The following HLCS variants were observed in gnomAD, a reference collection of about 807,000 sequenced individuals.
The protein encoded by HLCS is biotin--protein ligase.
In HLCS, 53 loss-of-function variants were observed where a neutral mutation model predicts 75.0. That is an observed-to-expected ratio of 0.71 (90% CI 0.57 to 0.89). The LOEUF (loss-of-function observed/expected upper bound fraction) is 0.89. Ranked by LOEUF, HLCS falls within the 40% of genes least tolerant of loss-of-function variation. The pLI is 0.00. For missense variants in HLCS, 966 were observed against 1,074.0 expected (o/e 0.90, Z 1.41); for synonymous variants, 431 against 428.6 (o/e 1.01, Z -0.07).
At chr21:36,770,658 C>T (rs1343055870) in intron 6 of HLCS, among the ~76,000 whole-genome samples, 1 of 151,180 alleles carries the variant, frequency 6.6e-6, no homozygotes, top group African/African-American at 2.4e-5. Flanking sequence ...ATAGCCTGGA[C>T]CTCCAGGGCT....
At position 36,961,986 on chromosome 21, in the gene HLCS, G is replaced by A. The variant is rs958116976; in HGVS notation, c.330+50C>T. On this transcript the variant is annotated intron_variant, in intron 2 of 10. Transcript: ENST00000674895. ...AAAAAAAAAAAGCAAATTTGGTTTT[G>A]ACTAAGACACATCAGTTCCTTATGG... 8 of 998,592 alleles carry A rather than the reference G, an allele frequency of 8.0e-6. No homozygotes were observed. In the African/African-American group the frequency reaches 1.4e-4, roughly 18 times the overall value. The allele number at this position is 998,592 out of a possible 1,614,324, so 61.9% of individuals were successfully genotyped here. A position where few individuals can be genotyped will look rare whatever the true frequency, so the allele number is the denominator to read the frequency against.
At chr21:36,847,528 T>C (rs1031117799) in intron 6 of HLCS, among the ~76,000 whole-genome samples, 1 of 152,150 alleles carries the variant, frequency 6.6e-6, no homozygotes, top group Non-Finnish European at 1.5e-5. Flanking sequence ...AAGTAATGGA[T>C]ATCTAAGGTA....
intron 4 of HLCS, among the ~76,000 whole-genome samples, chr21:36,932,840 G>T (rs1244422710): frequency 4.6e-5 from 7 of 152,234 alleles, no homozygotes; most frequent in Non-Finnish European, 1.0e-4. Context: ...AGGCTTAGCT[G>T]GGTGTGGTGG....
rs2089352526 is a variant in HLCS, at chr21:36,751,182, G to GA, written c.*3063dup. 1 of 152,576 alleles carries GA rather than the reference G, an allele frequency of 6.6e-6. No individual in the cohort carries two copies. Among genetic ancestry groups the GA allele is most frequent in the African/African-American group, 2.4e-5 (1 of 41,416 alleles). The allele number at this position is 152,576 out of a possible 1,614,324, so 9.5% of individuals were successfully genotyped here. ...AAATGAAACTTGTAAAAATAAGAGG[G>GA]AGCCCAAACCACATAGAAAGTCTTA... On this transcript the variant is annotated 3_prime_UTR_variant, in exon 11 of 11. Transcript: ENST00000674895.
chr21:36,866,317 G>A (rs2063554873), intron 6 of HLCS, among the ~76,000 whole-genome samples: 1 of 152,080 alleles, frequency 6.6e-6, no homozygotes, highest in Admixed American at 6.5e-5. Flanking sequence ...ATAAACTGAA[G>A]ATACACACTA....
intron 6 of HLCS, among the ~76,000 whole-genome samples, chr21:36,799,350 C>T (rs2061126878): frequency 6.6e-6 from 1 of 152,242 alleles, no homozygotes; most frequent in South Asian, 2.1e-4. Flanking sequence ...CTTCTGGACA[C>T]TTACCCTGTT....
At position 36,936,669 on chromosome 21, in the gene HLCS, C is replaced by T. The variant is rs1423217032; in HGVS notation, c.1217G>A (p.Ser406Asn). The change falls in exon 4 of 11, where the codon AGC becomes AAC. Residue 406 changes from serine (S) to asparagine (N), a missense_variant. By Grantham distance (46) the Ser-to-Asn change is conservative. Coordinates refer to ENST00000674895, the MANE Select transcript of HLCS (RefSeq NM_001352514.2). ...GACTGTCTTGTGCAGTGCACCCTTG[C>T]TTGTCACCTGAAAGCCACCAAAGGT... ...SFTFGGFQVT[S>N]KGALHKTVQN... is the part of the protein sequence containing the mutation. The T allele has an allele frequency of 1.9e-6, 3 of 1,614,236 alleles. No individual in the cohort carries two copies. The highest frequency in any genetic ancestry group is 2.5e-6 in the Non-Finnish European group (3 of 1,180,050).
intron 6 of HLCS, among the ~76,000 whole-genome samples, chr21:36,879,859 G>T (rs141651689): frequency 6.6e-6 from 1 of 151,048 alleles, no homozygotes; most frequent in East Asian, 1.9e-4. Context: ...GCAGTGAGCC[G>T]AGATTGCACC....
chr21:36,842,758 A>C lies in HLCS; in HGVS notation c.1892+54102T>G, dbSNP rs1193517360. Reference sequence around the variant, plus strand: ...ACTCAGTCTCAAAAAAACAAACAACAACCAAAAAAACTATCTTTATTATTG... The same window carrying C: ...ACTCAGTCTCAAAAAAACAAACAACCACCAAAAAAACTATCTTTATTATTG... On this transcript the variant is annotated intron_variant, in intron 6 of 10. Transcript: ENST00000674895. The surrounding 1 kb of genome is among the most constrained non-coding windows in gnomAD (Gnocchi z 4.2). Among the ~76,000 whole-genome samples the C allele has an allele frequency of 2.6e-5, 4 of 152,102 alleles. No homozygotes were observed. The highest frequency in any genetic ancestry group is 5.9e-5 in the Non-Finnish European group (4 of 68,002).
At chr21:36,898,332 G>C (rs1435058865) in intron 5 of HLCS, among the ~76,000 whole-genome samples, 1 of 150,228 alleles carries the variant, frequency 6.7e-6, no homozygotes, top group Admixed American at 6.7e-5. Context: ...TGTAATCCCA[G>C]CTACTCAGGA....
rs1601895374 is a variant in HLCS, at chr21:36,962,130, G to A, written c.236C>T (p.Ser79Phe). ...GTGTTCTGCTTCAAGTATAAAAGGA[G>A]ACACAAGAAATAGGGCCCACTTGTT... ...DLNKWALFLVSPFILEAEHIA... is the reference protein window; with the variant it reads ...DLNKWALFLVFPFILEAEHIA... Residue 79 changes from serine (S) to phenylalanine (F), a missense_variant, in exon 2 of 11, where the codon TCT becomes TTT. Transcript: ENST00000674895. 3.1e-6 allele frequency: 4 copies of A among 1,288,564 alleles called. No individual in the cohort carries two copies. Among genetic ancestry groups the A allele is most frequent in the Non-Finnish European group, 4.0e-6 (4 of 987,854 alleles). 79.8% of individuals were successfully genotyped at this position (1,288,564 alleles called of 1,614,324 possible).
intron 6 of HLCS, among the ~76,000 whole-genome samples, chr21:36,888,438 AAAAAAAAATATATATATATATATATATAT>A (rs1213669943): frequency 1.3e-4 from 4 of 30,384 alleles, no homozygotes; most frequent in African/African-American, 3.4e-4. Flanking sequence ...CATTTAAAAA[AAAAAAAAATATATATATATATATATATAT>A]ATATATATAT....
intron 1 of HLCS, among the ~76,000 whole-genome samples, chr21:36,965,356 G>A (rs1223800297): frequency 1.3e-5 from 2 of 152,206 alleles, no homozygotes; most frequent in African/African-American, 4.8e-5. Flanking sequence ...CAATGCTACC[G>A]ATGTCCATGA....
intron 6 of HLCS, among the ~76,000 whole-genome samples, chr21:36,772,638 CAAA>C (rs34788426): frequency 7.4e-5 from 6 of 80,868 alleles, no homozygotes; most frequent in Admixed American, 2.8e-4. Context: ...GACACTGTCT[CAAA>C]AAAAAAAAAA....
intron 6 of HLCS, among the ~76,000 whole-genome samples, chr21:36,857,621 G>A (rs1443503131): frequency 1.3e-5 from 2 of 151,874 alleles, no homozygotes; most frequent in African/African-American, 2.4e-5. Context: ...CAGGGCCCTC[G>A]CTGGGGCTCC....
At chr21:36,810,022 C>T (rs1391413264) in intron 6 of HLCS, among the ~76,000 whole-genome samples, 2 of 152,364 alleles carry the variant, frequency 1.3e-5, no homozygotes, top group African/African-American at 2.4e-5. Flanking sequence ...GGATTACAGG[C>T]GTGAGCCGTG....
At chr21:36,798,166 G>A (rs183766244) in intron 6 of HLCS, among the ~76,000 whole-genome samples, 4 of 152,236 alleles carry the variant, frequency 2.6e-5, no homozygotes, top group Admixed American at 1.3e-4. Context: ...GAGGCCCAAC[G>A]AGGAGGCCCA....
intron 6 of HLCS, among the ~76,000 whole-genome samples, chr21:36,812,753 C>T (rs943803436): frequency 6.6e-6 from 1 of 152,084 alleles, no homozygotes; most frequent in African/African-American, 2.4e-5. Flanking sequence ...CTGACTTTTC[C>T]TCCTTTTAAA....
chr21:36,799,815 A>G (rs2061142592), intron 6 of HLCS, among the ~76,000 whole-genome samples: 1 of 152,208 alleles, frequency 6.6e-6, no homozygotes, highest in Non-Finnish European at 1.5e-5. Context: ...TACAAATCAG[A>G]GTCCCGAATT....
Sources: gnomAD v4.1 joint callset for allele counts (sites outside exome capture counted in the v4.1 genomes callset) on GRCh38, gnomAD v4.1.1 for gene constraint, Gnocchi (gnomAD v3.1) non-coding constraint, MANE v1.5 for transcripts, NCBI Gene and HGNC (gene_info 2026-07-23, HGNC 2026-07-21) for gene names.